Variants in ATP9A observed in about 807,000 individuals in gnomAD.
ATP9A encodes ATPase phospholipid transporting 9A.
A neutral mutation model predicts 144.1 loss-of-function variants in ATP9A; 52 were observed. That is an observed-to-expected ratio of 0.36 (90% confidence interval 0.29 to 0.45). The LOEUF is 0.45. Ranked by LOEUF, ATP9A falls within the 20% of genes least tolerant of loss-of-function variation. The pLI, the probability that ATP9A is intolerant of heterozygous loss-of-function variation, is 1.00. For synonymous variants in ATP9A, 582 were observed against 557.4 expected (o/e 1.04, Z -0.62); for missense variants, 947 against 1,392.7 (o/e 0.68, Z 5.09).
At chr20:51,630,505 C>A (rs1464904492) in intron 15 of ATP9A, among the ~76,000 whole-genome samples, 2 of 152,016 alleles carry the variant, frequency 1.3e-5, no homozygotes, top group East Asian at 3.9e-4. Context: ...GAGTTCGAGA[C>A]CAGCCTAGCC....
chr20:51,618,812 GGGTGGAGGGAGAGGTGGTGCGTT>G lies in ATP9A; in HGVS notation c.2206-29_2206-7del, dbSNP rs745713163. On this transcript the variant is annotated splice_polypyrimidine_tract_variant and splice_region_variant and intron_variant, in intron 20 of 27. Transcript: ENST00000338821. Reference sequence around the variant, plus strand: ...TCATAGTACTTGAGGCAAACCTGCAGGGTGGAGGGAGAGGTGGTGCGTTGGTGGAGGGAGAGGTGGTGCGTTGG... The same window carrying G: ...TCATAGTACTTGAGGCAAACCTGCAGGGTGGAGGGAGAGGTGGTGCGTTGG... 2.1e-4 allele frequency: 329 copies of G among 1,585,104 alleles called. 1 individual carries two copies. The highest frequency in any genetic ancestry group is 1.3e-3 in the African/African-American group (96 of 74,516).
At chr20:51,748,932 T>TAG (rs1274457331) in intron 1 of ATP9A, among the ~76,000 whole-genome samples, 1 of 137,386 alleles carries the variant, frequency 7.3e-6, no homozygotes, top group Non-Finnish European at 1.5e-5. Flanking sequence ...GATAGATAGA[T>TAG]AGATAGATAG....
At chr20:51,650,902 TACACAC>T (rs10666493) in intron 14 of ATP9A, among the ~76,000 whole-genome samples, 5 of 149,346 alleles carry the variant, frequency 3.3e-5, no homozygotes, top group African/African-American at 4.9e-5. Context: ...ACATCACACA[TACACAC>T]ACACACACAC....
intron 1 of ATP9A, among the ~76,000 whole-genome samples, chr20:51,754,467 C>T (rs1272616206): frequency 6.6e-6 from 1 of 151,742 alleles, no homozygotes; most frequent in East Asian, 1.9e-4. Flanking sequence ...TGCGCCATTG[C>T]ACTCTGGCAT....
intron 3 of ATP9A, among the ~76,000 whole-genome samples, chr20:51,722,416 T>G (rs1244408418): frequency 1.3e-5 from 2 of 151,776 alleles, no homozygotes; most frequent in African/African-American, 2.4e-5. Flanking sequence ...ACCCACAGAG[T>G]GGGAGAAAAT....
chr20:51,630,776 C>T (rs2077266812), intron 15 of ATP9A, among the ~76,000 whole-genome samples: 1 of 152,164 alleles, frequency 6.6e-6, no homozygotes, highest in Admixed American at 6.5e-5. Flanking sequence ...ATGAACACCC[C>T]CGATTCCTAC....
intron 1 of ATP9A, among the ~76,000 whole-genome samples, chr20:51,764,733 T>C (rs1254005476): frequency 1.3e-5 from 2 of 152,122 alleles, no homozygotes; most frequent in Non-Finnish European, 2.9e-5. Context: ...GGAGAATTTT[T>C]TTTTTTGAGA....
intron 8 of ATP9A, among the ~76,000 whole-genome samples, chr20:51,689,809 G>C (rs941971872): frequency 2.6e-5 from 4 of 151,048 alleles, no homozygotes; most frequent in African/African-American, 9.7e-5. Flanking sequence ...GATAGGATTT[G>C]TATGAATAAA....
At chr20:51,662,561 T>A (rs112231347) in intron 13 of ATP9A, among the ~76,000 whole-genome samples, 46 of 148,746 alleles carry the variant, frequency 3.1e-4, no homozygotes, top group South Asian at 2.1e-3. Context: ...AAAAAAAAAA[T>A]TTTTTTTCAC....
Position 51,755,743 on chromosome 20 carries a change from C to T in ATP9A, c.68+12559G>A, listed in dbSNP as rs536536248. Among the ~76,000 whole-genome samples, 6 of 152,278 alleles carry T rather than the reference C, an allele frequency of 3.9e-5. No individual in the cohort carries two copies. The East Asian group carries it at 1.2e-3, about 29-fold the overall frequency. On this transcript the variant is annotated intron_variant, in intron 1 of 27. Transcript: ENST00000338821. ...CTTTGGGAGGCCGAGGCGGGCAGGT[C>T]ACAAGATCAAGACCATCCTGGCTAA...
intron 1 of ATP9A, among the ~76,000 whole-genome samples, chr20:51,753,077 G>A (rs2077839420): frequency 6.6e-6 from 1 of 151,526 alleles, no homozygotes; most frequent in Admixed American, 6.6e-5. Flanking sequence ...ACTCCAGCGT[G>A]GGCAACAAGA....
intron 14 of ATP9A, among the ~76,000 whole-genome samples, chr20:51,649,042 G>C (rs1232642032): frequency 1.1e-4 from 16 of 152,042 alleles, no homozygotes; most frequent in Admixed American, 1.0e-3. Flanking sequence ...AAGCTCGGAA[G>C]CTTCCCCAGA....
At chr20:51,721,662 G>A (rs539276454) in intron 3 of ATP9A, among the ~76,000 whole-genome samples, 14 of 151,700 alleles carry the variant, frequency 9.2e-5, no homozygotes, top group African/African-American at 1.9e-4. Flanking sequence ...TTAGCCAGGC[G>A]TGGTGGCAGG....
intron 4 of ATP9A, among the ~76,000 whole-genome samples, chr20:51,712,674 G>A (rs1304825512): frequency 6.6e-6 from 1 of 152,244 alleles, no homozygotes; most frequent in Non-Finnish European, 1.5e-5. Context: ...ACGGGAAAGG[G>A]ATTAGCCAGC....
intron 19 of ATP9A, 57 bp downstream of exon 19, chr20:51,622,017 G>T: frequency 2.0e-6 from 3 of 1,494,106 alleles, no homozygotes; most frequent in Non-Finnish European, 2.8e-6. Context: ...AGGTTAGGAG[G>T]TTATAGGACA....
chr20:51,699,937 G>A (rs549681718), intron 4 of ATP9A, among the ~76,000 whole-genome samples: 7 of 152,012 alleles, frequency 4.6e-5, no homozygotes, highest in Non-Finnish European at 8.8e-5. Context: ...CACTGCGCCC[G>A]GCCAACACTA....
rs1357924787 is a variant in ATP9A, at chr20:51,668,217, G to C, written c.1293+1780C>G. Among the ~76,000 whole-genome samples the C allele has an allele frequency of 2.0e-5, 3 of 150,762 alleles. No homozygotes were observed. In the Admixed American group the frequency reaches 2.0e-4, roughly 10 times the overall value. On this transcript the variant is annotated intron_variant, in intron 13 of 27. Transcript: ENST00000338821. ...GGCCGAAGGGGTGATCTAGTGATCG[G>C]GTGGGAGCAGGTACTGGAGAAGGGG...
intron 3 of ATP9A, among the ~76,000 whole-genome samples, chr20:51,721,876 A>G (rs1296424653): frequency 6.6e-5 from 10 of 152,194 alleles, no homozygotes; most frequent in African/African-American, 2.2e-4. Flanking sequence ...GAGCCTGCAT[A>G]GTGAAAGCAA....
chr20:51,682,439 T>C (rs1462058779), intron 9 of ATP9A, among the ~76,000 whole-genome samples: 1 of 152,092 alleles, frequency 6.6e-6, no homozygotes, highest in African/African-American at 2.4e-5. Flanking sequence ...CAGCCCTGCC[T>C]ATGCCAGATG....
Sources: gnomAD v4.1 joint callset for allele counts (sites outside exome capture counted in the v4.1 genomes callset) on GRCh38, gnomAD v4.1.1 for gene constraint, MANE v1.5 for transcripts, NCBI Gene and HGNC (gene_info 2026-07-23, HGNC 2026-07-21) for gene names.